Variants in GSTT4 observed in about 807,000 individuals in gnomAD.
The protein encoded by GSTT4 is glutathione S-transferase theta-4.
the GSTT4 span, among the ~76,000 whole-genome samples, chr22:23,991,904 T>G: frequency 7.2e-6 from 1 of 139,200 alleles, no homozygotes; most frequent in African/African-American, 2.6e-5. Flanking sequence ...ATACAAAAAA[T>G]TAGCCGGGCG....
Position 24,001,339 on chromosome 22 carries a change from C to G in GSTT4, c.201-14G>C, listed in dbSNP as rs1165839627. 0.25 allele frequency: 37,937 copies of G among 154,118 alleles called. 5,593 individuals are homozygous for G. The highest frequency in any genetic ancestry group is 0.41 in the African/African-American group (16,762 of 40,960). 9.5% of individuals were successfully genotyped at this position (154,118 alleles called of 1,614,324 possible). ...AGGATGGCCGCGCTGCAGAAGGGGC[C>G]GGTCAGGGGCACTGCCCTTGCCTTC... On this transcript the variant is annotated splice_polypyrimidine_tract_variant and intron_variant, in intron 2 of 4. Coordinates refer to ENST00000621179, the MANE Select transcript of GSTT4 (RefSeq NM_001358664.2).
chr22:23,994,304 A>C (rs559449183), downstream of GSTT4, among the ~76,000 whole-genome samples: 21 of 152,092 alleles, frequency 1.4e-4, no homozygotes, highest in South Asian at 1.7e-3. Flanking sequence ...AAGCCAATTC[A>C]GTGGTTTTTA....
chr22:23,997,941 G>T (rs1208198615), downstream of GSTT4, among the ~76,000 whole-genome samples: 1 of 152,218 alleles, frequency 6.6e-6, no homozygotes, highest in Non-Finnish European at 1.5e-5. Flanking sequence ...GTTTAAGAGT[G>T]TGCTGTTTAA....
At chr22:23,998,820 G>T (rs1229107097) in intron 4 of GSTT4, 81 bp from the exon 5 acceptor site, 1 of 154,462 alleles carries the variant, frequency 6.5e-6, no homozygotes, top group Non-Finnish European at 1.5e-5. Flanking sequence ...TCAGGCCCAC[G>T]TCCCTAACAT....
chr22:23,998,026 A>C (rs2034135379), downstream of GSTT4, among the ~76,000 whole-genome samples: 1 of 152,246 alleles, frequency 6.6e-6, no homozygotes. Flanking sequence ...TGTCCAGAGA[A>C]CATACTTTGT....
At chr22:24,001,742 T>C (rs1390871743) in intron 2 of GSTT4, among the ~76,000 whole-genome samples, 1 of 152,270 alleles carries the variant, frequency 6.6e-6, no homozygotes, top group African/African-American at 2.4e-5. Flanking sequence ...TCCCGGCACT[T>C]TGGGAGGCCA....
At chr22:24,003,103 G>C (rs110610) in intron 2 of GSTT4, among the ~76,000 whole-genome samples, 7,576 of 152,204 alleles carry the variant, frequency 0.05, 168 homozygotes, top group Middle Eastern at 0.13. Context: ...TGGAAGTGCT[G>C]GGATTATAGG....
intron 4 of GSTT4, 91 bp from the exon 5 acceptor site, chr22:23,998,830 T>A (rs2146225891): frequency 6.5e-6 from 1 of 154,474 alleles, no homozygotes; most frequent in Admixed American, 6.5e-5. Flanking sequence ...GTCCCTAACA[T>A]CTACCTATGC....
downstream of GSTT4, among the ~76,000 whole-genome samples, chr22:23,996,233 T>C (rs1294906705): frequency 1.3e-5 from 2 of 151,202 alleles, no homozygotes; most frequent in Non-Finnish European, 3.0e-5. Context: ...TGAGCCACCG[T>C]GCCCAGCCTT....
At chr22:23,993,906 C>G (rs138308072), downstream of GSTT4, among the ~76,000 whole-genome samples, 25 of 151,946 alleles carry the variant, frequency 1.6e-4, no homozygotes, top group African/African-American at 5.8e-4. Flanking sequence ...CCAGGATACA[C>G]GTTTATGGGG....
At chr22:24,002,468 A>G (rs2034253317) in intron 2 of GSTT4, among the ~76,000 whole-genome samples, 1 of 152,278 alleles carries the variant, frequency 6.6e-6, no homozygotes. Context: ...TGCCAAGGTA[A>G]AAAGGTCAGG....
At chr22:24,001,845 G>T (rs2034237006) in intron 2 of GSTT4, among the ~76,000 whole-genome samples, 1 of 152,244 alleles carries the variant, frequency 6.6e-6, no homozygotes, top group African/African-American at 2.4e-5. Context: ...ACAAAAATTA[G>T]CTAGTTGTGG....
At chr22:23,995,931 TG>T, downstream of GSTT4, among the ~76,000 whole-genome samples, 2 of 152,114 alleles carry the variant, frequency 1.3e-5, no homozygotes, top group Non-Finnish European at 2.9e-5. Context: ...TCTTGTACCC[TG>T]CAACCTTGCT....
chr22:23,990,453 C>CAAAAAAAAAAAA, the GSTT4 span, among the ~76,000 whole-genome samples: 340 of 29,946 alleles, frequency 0.011, 94 homozygotes, highest in African/African-American at 0.064. Context: ...CTACACACAC[C>CAAAAAAAAAAAA]AAAAAAAAAA....
At chr22:23,996,551 C>T (rs1391828622), downstream of GSTT4, among the ~76,000 whole-genome samples, 2 of 152,098 alleles carry the variant, frequency 1.3e-5, no homozygotes, top group Admixed American at 6.5e-5. Context: ...GTAATTTTAT[C>T]GTAAAAGGAT....
chr22:23,991,950 G>A, the GSTT4 span, among the ~76,000 whole-genome samples: 4 of 144,874 alleles, frequency 2.8e-5, no homozygotes, highest in African/African-American at 5.0e-5. Flanking sequence ...CTACTCGGGA[G>A]GCTGGGGCAG....
intron 1 of GSTT4, chr22:24,004,566 G>A (rs1238174813): frequency 2.0e-5 from 3 of 153,230 alleles, no homozygotes; most frequent in East Asian, 3.8e-4. Context: ...CTCAACACTG[G>A]GGAGGATGGG....
At chr22:23,999,858 C>A (rs1172156394) in intron 4 of GSTT4, among the ~76,000 whole-genome samples, 1 of 152,162 alleles carries the variant, frequency 6.6e-6, no homozygotes, top group African/African-American at 2.4e-5. Flanking sequence ...GAATCTTTGT[C>A]AAGTGTGGAG....
At chr22:23,995,551 G>A (rs1398373150), downstream of GSTT4, among the ~76,000 whole-genome samples, 3 of 152,108 alleles carry the variant, frequency 2.0e-5, no homozygotes, top group Non-Finnish European at 4.4e-5. Context: ...TTTCTTCCAT[G>A]GATTGTTGAA....
Sources: allele counts gnomAD v4.1 joint callset (sites outside exome capture counted in the v4.1 genomes callset), GRCh38; gene constraint gnomAD v4.1.1; transcripts MANE v1.5; gene names NCBI Gene and HGNC (gene_info 2026-07-23, HGNC 2026-07-21).